LCORL: variants seen among roughly 807,000 people sequenced by gnomAD.
LCORL encodes ligand dependent nuclear receptor corepressor like.
A neutral mutation model predicts 141.8 loss-of-function variants in LCORL; 41 were observed. The ratio of observed to expected loss-of-function variants is 0.29; its 90% confidence interval spans 0.23 to 0.38. The LOEUF (loss-of-function observed/expected upper bound fraction) is 0.38. Ranked by LOEUF, LCORL falls within the 10% of genes least tolerant of loss-of-function variation. The pLI is 1.00. For synonymous variants in LCORL, 618 were observed against 694.1 expected, an observed-to-expected ratio of 0.89 and a Z score of 1.72; for missense variants, 1,759 against 2,035.0, an observed-to-expected ratio of 0.86 and a Z score of 2.61.
intron 4 of LCORL, among the ~76,000 whole-genome samples, chr4:17,952,406 C>T (rs930805554): frequency 6.7e-6 from 1 of 149,104 alleles, no homozygotes; most frequent in Non-Finnish European, 1.5e-5. Flanking sequence ...TCTTTCCCCT[C>T]AAAAACAATT....
intron 7 of LCORL, among the ~76,000 whole-genome samples, chr4:17,857,884 C>T (rs1408875380): frequency 6.6e-6 from 1 of 152,114 alleles, no homozygotes; most frequent in African/African-American, 2.4e-5. Context: ...AACAGTGTCC[C>T]AGAACAGAGC....
intron 5 of LCORL, among the ~76,000 whole-genome samples, chr4:17,906,184 A>G (rs1385845870): frequency 6.6e-6 from 1 of 152,178 alleles, no homozygotes; most frequent in Admixed American, 6.5e-5. Context: ...AATGCATCAA[A>G]GGGTATGTGC....
intron 1 of LCORL, among the ~76,000 whole-genome samples, chr4:18,013,706 AC>A (rs1724166692): frequency 6.6e-6 from 1 of 152,226 alleles, no homozygotes; most frequent in Non-Finnish European, 1.5e-5. Flanking sequence ...TCCTATGTGC[AC>A]ACCTTGCACA....
exon 8 of LCORL, chr4:17,842,082 C>A: frequency 2.4e-6 from 1 of 421,356 alleles, no homozygotes; most frequent in Non-Finnish European, 4.4e-6. Flanking sequence ...TCCTTATTTT[C>A]CCTTACTCAT....
intron 1 of LCORL, among the ~76,000 whole-genome samples, chr4:17,978,691 C>T (rs1446548956): frequency 6.6e-6 from 1 of 151,596 alleles, no homozygotes; most frequent in Non-Finnish European, 1.5e-5. Context: ...AAATTGTTTA[C>T]ATTATAGGTT....
intron 4 of LCORL, among the ~76,000 whole-genome samples, chr4:17,959,270 T>A (rs1430359273): frequency 1.3e-5 from 2 of 152,028 alleles, no homozygotes; most frequent in African/African-American, 4.8e-5. Flanking sequence ...TCAAATAAAA[T>A]AATTCTAATC....
rs543582002 is a variant in LCORL, at chr4:17,893,319, T to C, written c.683-7158A>G. On this transcript the variant is annotated intron_variant, in intron 5 of 7. Transcript: ENST00000635767. ...TAAAACCTTAGCTCAAGAATGTTTATTTATATATACAAGACACACAATATG... is the reference window on the plus strand; with the variant it reads ...TAAAACCTTAGCTCAAGAATGTTTACTTATATATACAAGACACACAATATG... The C allele has an allele frequency of 3.4e-6, 3 of 884,148 alleles. No homozygotes were observed. In the East Asian group the frequency reaches 3.6e-4, roughly 106 times the overall value. 54.8% of individuals were successfully genotyped at this position (884,148 alleles called of 1,614,324 possible). A position where few individuals can be genotyped will look rare whatever the true frequency, so the allele number is the denominator to read the frequency against.
chr4:17,863,535 C>T (rs1725259990), intron 7 of LCORL, among the ~76,000 whole-genome samples: 1 of 152,186 alleles, frequency 6.6e-6, no homozygotes, highest in South Asian at 2.1e-4. Flanking sequence ...AATGCTTATA[C>T]ACTGCTGGTG....
At chr4:17,957,376 A>C (rs187246691) in intron 4 of LCORL, among the ~76,000 whole-genome samples, 4 of 152,006 alleles carry the variant, frequency 2.6e-5, no homozygotes, top group Non-Finnish European at 4.4e-5. Flanking sequence ...ATCCTTTATG[A>C]ACACATAAGT....
intron 4 of LCORL, among the ~76,000 whole-genome samples, chr4:17,954,130 T>G (rs551826421): frequency 6.6e-6 from 1 of 152,144 alleles, no homozygotes; most frequent in Non-Finnish European, 1.5e-5. Flanking sequence ...GCTACTGCAC[T>G]CCAGCCTGGG....
chr4:17,877,799 C>A, exon 7 of LCORL: 1 of 1,230,574 alleles, frequency 8.1e-7, no homozygotes, highest in Non-Finnish European at 1.0e-6. Context: ...CAGAACAGCA[C>A]CTGTGAGAAT....
At chr4:17,860,414 T>C (rs551172184) in intron 7 of LCORL, among the ~76,000 whole-genome samples, 1 of 152,260 alleles carries the variant, frequency 6.6e-6, no homozygotes, top group South Asian at 2.1e-4. Context: ...CCCCTTATAA[T>C]AACCATCAGA....
intron 4 of LCORL, among the ~76,000 whole-genome samples, chr4:17,952,751 G>T (rs1560395694): frequency 1.3e-5 from 2 of 151,958 alleles, no homozygotes; most frequent in Non-Finnish European, 2.9e-5. Context: ...TTACGTTCAG[G>T]GGTACCTGTG....
At chr4:17,978,750 C>T (rs533108805) in intron 1 of LCORL, among the ~76,000 whole-genome samples, 1 of 152,156 alleles carries the variant, frequency 6.6e-6, no homozygotes, top group African/African-American at 2.4e-5. Context: ...TTATGGATGT[C>T]ACCCTACACA....
exon 8 of LCORL, chr4:17,842,193 A>G: frequency 1.3e-6 from 1 of 778,780 alleles, no homozygotes; most frequent in South Asian, 1.7e-5. Context: ...AGTAGGAGAT[A>G]CATGTGTTGA....
chr4:17,875,310 G>T, exon 7 of LCORL: 1 of 1,231,330 alleles, frequency 8.1e-7, no homozygotes, highest in Non-Finnish European at 1.0e-6. Flanking sequence ...GGAAGGCTGA[G>T]GTATCACAGA....
At chr4:17,927,929 T>TA (rs141948678) in intron 4 of LCORL, among the ~76,000 whole-genome samples, 4,479 of 152,166 alleles carry the variant, frequency 0.029, 94 homozygotes, top group African/African-American at 0.055. Context: ...CTTCAATTTG[T>TA]AAAAAAATGC....
chr4:17,946,356 A>G (rs1481031215), intron 4 of LCORL, among the ~76,000 whole-genome samples: 2 of 152,006 alleles, frequency 1.3e-5, no homozygotes, highest in East Asian at 3.9e-4. Flanking sequence ...TTTAAAAACC[A>G]CACACATGCA....
At chr4:17,927,894 T>A (rs943787319) in intron 4 of LCORL, among the ~76,000 whole-genome samples, 1 of 152,160 alleles carries the variant, frequency 6.6e-6, no homozygotes, top group African/African-American at 2.4e-5. Context: ...CAAACAGACT[T>A]GTTCAATGTA....
Sources: gnomAD v4.1 joint callset for allele counts (sites outside exome capture counted in the v4.1 genomes callset) on GRCh38, gnomAD v4.1.1 for gene constraint, MANE v1.5 for transcripts, NCBI Gene and HGNC (gene_info 2026-07-23, HGNC 2026-07-21) for gene names.